Variants in HTR1F observed in about 807,000 individuals in gnomAD.
HTR1F encodes 5-hydroxytryptamine receptor 1F, also known as 5-hydroxytryptamine (serotonin) receptor 1F, G protein-coupled.
In HTR1F, 17 loss-of-function variants were observed where a neutral mutation model predicts 24.0. The observed-to-expected ratio is 0.71, with a 90% CI of 0.48 to 1.06. The LOEUF (loss-of-function observed/expected upper bound fraction) is 1.06. Among genes scored for constraint, HTR1F ranks in the 50% least tolerant of loss-of-function variants. The pLI is 0.00. For synonymous variants in HTR1F, 186 were observed against 156.8 expected, an observed-to-expected ratio of 1.19 and a Z score of -1.39; for missense variants, 391 against 427.8, an observed-to-expected ratio of 0.91 and a Z score of 0.76.
intron 2 of HTR1F, among the ~76,000 whole-genome samples, chr3:87,857,840 A>G (rs1381135809): frequency 1.3e-5 from 2 of 152,202 alleles, no homozygotes; most frequent in African/African-American, 2.4e-5. Context: ...ATGTAAGGTA[A>G]CATATTCACA....
At chr3:87,922,649 G>GTTTT (rs1180542815) in intron 2 of HTR1F, among the ~76,000 whole-genome samples, 2 of 151,996 alleles carry the variant, frequency 1.3e-5, no homozygotes, top group Admixed American at 1.3e-4. Context: ...TCATGTCACA[G>GTTTT]TTTTGGGTCT....
rs111435104 is a variant in HTR1F at position 87,899,819 on chromosome 3, C to T, written c.-43+77695C>T. ...TGGAGGTTGCAGTGAGCCAAGATTG[C>T]GCCACTGCACTCCAGCCTGGGTGGC... On this transcript the variant is annotated intron_variant, in intron 2 of 2. Coordinates refer to ENST00000319595, the MANE Select transcript of HTR1F (RefSeq NM_001322209.2). 7.9e-3 allele frequency among the ~76,000 whole-genome samples: 1,204 copies of T among 152,194 alleles called. 10 individuals are homozygous for T. The highest frequency in any genetic ancestry group is 0.028 in the African/African-American group (1,155 of 41,514).
At chr3:87,813,486 G>A (rs1379447823) in intron 1 of HTR1F, among the ~76,000 whole-genome samples, 4 of 152,204 alleles carry the variant, frequency 2.6e-5, no homozygotes, top group Non-Finnish European at 1.5e-5. Flanking sequence ...TGTCTCAGGT[G>A]AGACTTTGGA....
At chr3:87,887,933 T>A (rs1241421200) in intron 2 of HTR1F, among the ~76,000 whole-genome samples, 3 of 152,052 alleles carry the variant, frequency 2.0e-5, no homozygotes, top group African/African-American at 7.2e-5. Context: ...GATCTAGAAC[T>A]AGAAATACCA....
intron 2 of HTR1F, among the ~76,000 whole-genome samples, chr3:87,895,568 C>T (rs1706180076): frequency 6.6e-6 from 1 of 152,092 alleles, no homozygotes; most frequent in Non-Finnish European, 1.5e-5. Context: ...ACGATTTCCT[C>T]ATGATACAAA....
intron 1 of HTR1F, among the ~76,000 whole-genome samples, chr3:87,796,495 T>C (rs1461766512): frequency 6.6e-6 from 1 of 152,128 alleles, no homozygotes; most frequent in Non-Finnish European, 1.5e-5. Flanking sequence ...TGAAATAATT[T>C]CAGGGGAGAA....
chr3:87,875,923 CAAA>C (rs35699795), intron 2 of HTR1F, among the ~76,000 whole-genome samples: 4 of 86,712 alleles, frequency 4.6e-5, no homozygotes, highest in African/African-American at 3.5e-5. Context: ...GGCTCCGTCT[CAAA>C]AAAAAAAAAA....
At chr3:87,848,307 A>G (rs974463652) in intron 2 of HTR1F, among the ~76,000 whole-genome samples, 2 of 151,680 alleles carry the variant, frequency 1.3e-5, no homozygotes, top group Non-Finnish European at 2.9e-5. Context: ...GGCTGTTTGT[A>G]TGTCTTCTTT....
Position 87,970,874 on chromosome 3 carries a change from T to G in HTR1F, c.-42-19834T>G, listed in dbSNP as rs993915882. 3.3e-5 allele frequency among the ~76,000 whole-genome samples: 5 copies of G among 152,242 alleles called. No individual in the cohort carries two copies. In the East Asian group the frequency reaches 7.7e-4, roughly 23 times the overall value. ...CCACTCTTATATGGCTACTGAGCAT[T>G]TCCAAAGAAAAATTTCACAGTAGTA... On this transcript the variant is annotated intron_variant, in intron 2 of 2. Coordinates refer to ENST00000319595, the MANE Select transcript of HTR1F (RefSeq NM_001322209.2).
At chr3:87,886,102 G>A (rs1449293475) in intron 2 of HTR1F, among the ~76,000 whole-genome samples, 3 of 152,138 alleles carry the variant, frequency 2.0e-5, no homozygotes, top group Non-Finnish European at 4.4e-5. Flanking sequence ...TAAAATACTG[G>A]CAAACTGAAT....
chr3:87,822,637 G>A lies in HTR1F; in HGVS notation c.-43+513G>A, dbSNP rs556799333. On this transcript the variant is annotated intron_variant, in intron 2 of 2. Coordinates refer to ENST00000319595, the MANE Select transcript of HTR1F (RefSeq NM_001322209.2). ...TCTCCATGTTTCAGAGTTTATTTGA[G>A]GCAAAGTATGATTTTTAAGAACAGC... Among the ~76,000 whole-genome samples, 57 of 152,226 alleles carry A rather than the reference G, an allele frequency of 3.7e-4. 1 individual carries two copies. The South Asian group carries it at 0.011, about 30-fold the overall frequency.
chr3:87,923,763 C>A (rs771812421), intron 2 of HTR1F, among the ~76,000 whole-genome samples: 27 of 151,506 alleles, frequency 1.8e-4, no homozygotes, highest in Admixed American at 7.2e-4. Flanking sequence ...ATTTATTTTT[C>A]TCCTTCCTTC....
intron 2 of HTR1F, among the ~76,000 whole-genome samples, chr3:87,845,167 T>C (rs1444871388): frequency 1.3e-5 from 2 of 151,612 alleles, no homozygotes; most frequent in Non-Finnish European, 2.9e-5. Context: ...CTTTGAAAAC[T>C]GGCACAAGAC....
At chr3:87,909,767 C>T (rs1443367507) in intron 2 of HTR1F, among the ~76,000 whole-genome samples, 1 of 152,000 alleles carries the variant, frequency 6.6e-6, no homozygotes, top group Non-Finnish European at 1.5e-5. Flanking sequence ...TGCTATATTC[C>T]TCCATTCACG....
At chr3:87,989,150 TA>T (rs1705746989) in intron 2 of HTR1F, among the ~76,000 whole-genome samples, 1 of 152,228 alleles carries the variant, frequency 6.6e-6, no homozygotes, top group Middle Eastern at 3.2e-3. Flanking sequence ...AAATGCTATT[TA>T]TCAAAGATAT....
At chr3:87,892,035 A>C (rs1485637342) in intron 2 of HTR1F, among the ~76,000 whole-genome samples, 4 of 152,086 alleles carry the variant, frequency 2.6e-5, no homozygotes, top group African/African-American at 9.7e-5. Context: ...CAGAAACCTA[A>C]AGGGGAAAAA....
intron 1 of HTR1F, among the ~76,000 whole-genome samples, chr3:87,818,281 A>G (rs1704287448): frequency 6.6e-6 from 1 of 152,218 alleles, no homozygotes; most frequent in Non-Finnish European, 1.5e-5. Context: ...AGTTTTAAAA[A>G]TAATAGGTGC....
intron 2 of HTR1F, among the ~76,000 whole-genome samples, chr3:87,914,334 G>A (rs1445176872): frequency 3.9e-5 from 6 of 152,126 alleles, no homozygotes; most frequent in African/African-American, 9.7e-5. Context: ...TGAACTGATC[G>A]AGAAGCCTCC....
intron 2 of HTR1F, among the ~76,000 whole-genome samples, chr3:87,840,455 A>G (rs1304329887): frequency 6.6e-6 from 1 of 152,142 alleles, no homozygotes; most frequent in Non-Finnish European, 1.5e-5. Context: ...AGAAAAGGGA[A>G]GCTTTATACT....
Sources: gnomAD v4.1 joint callset for allele counts (sites outside exome capture counted in the v4.1 genomes callset) on GRCh38, gnomAD v4.1.1 for gene constraint, MANE v1.5 for transcripts, NCBI Gene and HGNC (gene_info 2026-07-23, HGNC 2026-07-21) for gene names.